Variants in LRRTM4 observed in about 807,000 individuals in gnomAD.
LRRTM4 encodes leucine-rich repeat transmembrane neuronal protein 4.
LRRTM4 carries 25 observed loss-of-function variants against 47.6 expected under a neutral mutation model. That is an observed-to-expected ratio of 0.53 (90% CI 0.38 to 0.73). The LOEUF is 0.73. Ranked by LOEUF, LRRTM4 falls within the 30% of genes least tolerant of loss-of-function variation. LRRTM4 has a pLI of 0.00. For synonymous variants in LRRTM4, 311 were observed against 269.5 expected, an observed-to-expected ratio of 1.15 and a Z score of -1.51; for missense variants, 638 against 713.4, an observed-to-expected ratio of 0.89 and a Z score of 1.20.
At chr2:77,067,435 A>G (rs1320971273) in intron 3 of LRRTM4, among the ~76,000 whole-genome samples, 1 of 152,034 alleles carries the variant, frequency 6.6e-6, no homozygotes, top group Non-Finnish European at 1.5e-5. Flanking sequence ...GGCACCTACA[A>G]AAAAAGGAGA....
intron 3 of LRRTM4, among the ~76,000 whole-genome samples, chr2:76,807,445 C>CATAT (rs779192487): frequency 1.0e-4 from 7 of 69,284 alleles, no homozygotes; most frequent in South Asian, 1.1e-3. Context: ...TACGTATATA[C>CATAT]ATATATATAT....
intron 3 of LRRTM4, among the ~76,000 whole-genome samples, chr2:77,486,030 T>C (rs1329362548): frequency 6.6e-6 from 1 of 152,178 alleles, no homozygotes; most frequent in East Asian, 1.9e-4. Context: ...TGTCTCACTA[T>C]GCCCAGCCTA....
intron 3 of LRRTM4, among the ~76,000 whole-genome samples, chr2:76,774,899 C>G (rs1673895470): frequency 6.6e-6 from 1 of 152,148 alleles, no homozygotes; most frequent in South Asian, 2.1e-4. Flanking sequence ...AATCCTTTTG[C>G]CAGATTGTCT....
chr2:77,403,161 A>G (rs1674029004), intron 3 of LRRTM4, among the ~76,000 whole-genome samples: 1 of 152,028 alleles, frequency 6.6e-6, no homozygotes, highest in Non-Finnish European at 1.5e-5. Context: ...GGTAAAATGT[A>G]AAGTACCTAA....
intron 3 of LRRTM4, among the ~76,000 whole-genome samples, chr2:76,856,933 A>G (rs1332020526): frequency 6.6e-6 from 1 of 151,768 alleles, no homozygotes; most frequent in Non-Finnish European, 1.5e-5. Context: ...TTCTGTCGCA[A>G]AAAAAAATAA....
chr2:77,095,760 G>T (rs989297543), intron 3 of LRRTM4, among the ~76,000 whole-genome samples: 1 of 151,950 alleles, frequency 6.6e-6, no homozygotes. Context: ...AGATCCACCC[G>T]CCTTGGCCTC....
At chr2:76,974,151 CAT>C (rs1676317584) in intron 3 of LRRTM4, among the ~76,000 whole-genome samples, 2 of 133,730 alleles carry the variant, frequency 1.5e-5, no homozygotes, top group African/African-American at 6.0e-5. Context: ...CATATATATA[CAT>C]ACATATATAT....
rs1239310363 is a variant in LRRTM4, at chr2:77,159,592, AAG to A, written c.1551+358724_1551+358725del. On this transcript the variant is annotated intron_variant, in intron 3 of 3. Transcript: ENST00000409884. ...TATATATTTACTATTCATTAAATGA[AAG>A]GGGATCATCACAAAGGTCTTCATTC... Among the ~76,000 whole-genome samples, 7 of 152,104 alleles carry A rather than the reference AAG, an allele frequency of 4.6e-5. No individual in the cohort carries two copies. In the East Asian group the frequency reaches 1.4e-3, roughly 29 times the overall value.
chr2:77,310,147 T>TGA (rs1209099509), intron 3 of LRRTM4, among the ~76,000 whole-genome samples: 5 of 152,160 alleles, frequency 3.3e-5, no homozygotes, highest in African/African-American at 1.2e-4. Flanking sequence ...AAACTATATA[T>TGA]GCTAAGCTCA....
At position 77,096,975 on chromosome 2, in the gene LRRTM4, ATAT is replaced by A. The variant is rs1178163503; in HGVS notation, c.1552-348062_1552-348060del. On this transcript the variant is annotated intron_variant, in intron 3 of 3. Transcript: ENST00000409884. ...AAAATCCATATGCTAACATATATAC[ATAT>A]TATTTTATTTATAATGAACACAACA... 2.6e-5 allele frequency among the ~76,000 whole-genome samples: 4 copies of A among 151,870 alleles called. No individual in the cohort carries two copies. In the East Asian group the frequency reaches 5.8e-4, roughly 22 times the overall value.
chr2:77,041,460 T>C (rs950463150), intron 3 of LRRTM4, among the ~76,000 whole-genome samples: 10 of 151,524 alleles, frequency 6.6e-5, no homozygotes, highest in Non-Finnish European at 1.2e-4. Context: ...GATCATACAG[T>C]AGTTTTGAAA....
chr2:77,467,360 T>A (rs1398061810), intron 3 of LRRTM4, among the ~76,000 whole-genome samples: 1 of 152,120 alleles, frequency 6.6e-6, no homozygotes, highest in Non-Finnish European at 1.5e-5. Context: ...CATGCAGGAC[T>A]CAGAAAGGAC....
At chr2:77,426,172 T>C (rs926670601) in intron 3 of LRRTM4, among the ~76,000 whole-genome samples, 2 of 151,938 alleles carry the variant, frequency 1.3e-5, no homozygotes, top group African/African-American at 2.4e-5. Context: ...CCTGTTCGAT[T>C]AATCAAAAAT....
At chr2:77,322,571 C>T (rs545665792) in intron 3 of LRRTM4, among the ~76,000 whole-genome samples, 3 of 151,800 alleles carry the variant, frequency 2.0e-5, no homozygotes, top group African/African-American at 7.2e-5. Context: ...ATTTTGTAGT[C>T]AATGATAAAA....
At chr2:77,346,792 T>C (rs1381340958) in intron 3 of LRRTM4, among the ~76,000 whole-genome samples, 1 of 152,048 alleles carries the variant, frequency 6.6e-6, no homozygotes, top group East Asian at 1.9e-4. Flanking sequence ...CCAAAAATCA[T>C]TACTTAAGTG....
Position 76,748,457 on chromosome 2 carries a change from T to G in LRRTM4, c.*238A>C, listed in dbSNP as rs1672720826. On this transcript the variant is annotated 3_prime_UTR_variant, in exon 4 of 4. Coordinates refer to ENST00000409884, the MANE Select transcript of LRRTM4 (RefSeq NM_001134745.3). Reference sequence around the variant, plus strand: ...TACTATTTACATCCGGGAGCATTTTTGTTTGTTTTATGTTTTAAAGCAAAG... The same window carrying G: ...TACTATTTACATCCGGGAGCATTTTGGTTTGTTTTATGTTTTAAAGCAAAG... 3 of 540,192 alleles carry G rather than the reference T, an allele frequency of 5.6e-6. No homozygotes were observed. The Admixed American group carries it at 1.0e-4, about 19-fold the overall frequency. The allele number at this position is 540,192 out of a possible 1,614,324, so 33.5% of individuals were successfully genotyped here. A position where few individuals can be genotyped will look rare whatever the true frequency, so the allele number is the denominator to read the frequency against.
At chr2:77,207,321 TTTA>T (rs1674156182) in intron 3 of LRRTM4, among the ~76,000 whole-genome samples, 1 of 143,732 alleles carries the variant, frequency 7.0e-6, no homozygotes, top group Non-Finnish European at 1.5e-5. Flanking sequence ...CATGTATGTG[TTTA>T]TGTTTTTCCT....
intron 3 of LRRTM4, among the ~76,000 whole-genome samples, chr2:77,366,159 A>C (rs901029642): frequency 3.0e-5 from 2 of 66,740 alleles, no homozygotes; most frequent in Non-Finnish European, 5.4e-5. Context: ...CTATTGCTCT[A>C]CCTACCCCTC....
At chr2:77,317,250 C>A (rs182115646) in intron 3 of LRRTM4, among the ~76,000 whole-genome samples, 2 of 152,028 alleles carry the variant, frequency 1.3e-5, no homozygotes, top group African/African-American at 2.4e-5. Context: ...ATCATATTTG[C>A]AGTTTTTTGC....
Sources: gnomAD v4.1 joint callset for allele counts (sites outside exome capture counted in the v4.1 genomes callset) on GRCh38, gnomAD v4.1.1 for gene constraint, MANE v1.5 for transcripts, NCBI Gene and HGNC (gene_info 2026-07-23, HGNC 2026-07-21) for gene names.